ITGB5: variants seen among roughly 807,000 people sequenced by gnomAD.
The protein encoded by ITGB5 is integrin beta-5.
In ITGB5, 38 loss-of-function variants were observed where a neutral mutation model predicts 84.8. The observed-to-expected ratio is 0.45, with a 90% CI of 0.35 to 0.59. The LOEUF is 0.59. ITGB5 is among the 20% of genes least tolerant of loss of function. The pLI is 0.01. For synonymous variants in ITGB5, 393 were observed against 414.4 expected, an observed-to-expected ratio of 0.95 and a Z score of 0.63; for missense variants, 905 against 1,034.5, an observed-to-expected ratio of 0.87 and a Z score of 1.72.
intron 5 of ITGB5, among the ~76,000 whole-genome samples, chr3:124,828,423 A>T (rs913531790): frequency 6.6e-6 from 1 of 152,222 alleles, no homozygotes; most frequent in Non-Finnish European, 1.5e-5. Context: ...CAGGCAAAAA[A>T]AGAGTGTATA....
chr3:124,842,419 A>G (rs1358774611), intron 4 of ITGB5, among the ~76,000 whole-genome samples: 2 of 152,212 alleles, frequency 1.3e-5, no homozygotes, highest in African/African-American at 4.8e-5. Flanking sequence ...AAGTTGGAAG[A>G]GAGAGCTTAT....
chr3:124,766,908 A>C (rs963862648), intron 12 of ITGB5, among the ~76,000 whole-genome samples: 5 of 152,208 alleles, frequency 3.3e-5, no homozygotes, highest in African/African-American at 1.2e-4. Flanking sequence ...AAAGTGAGAC[A>C]GTGTGGAACT....
At chr3:124,869,815 C>T (rs2065449078) in intron 2 of ITGB5, among the ~76,000 whole-genome samples, 1 of 152,130 alleles carries the variant, frequency 6.6e-6, no homozygotes, top group Admixed American at 6.5e-5. Flanking sequence ...GGGACACCTT[C>T]ATTTACTGTC....
At chr3:124,792,200 A>G (rs1004181279) in intron 10 of ITGB5, 1 of 152,208 alleles carries the variant, frequency 6.6e-6, no homozygotes, top group African/African-American at 2.4e-5. Context: ...ATGATTTACT[A>G]AAGTCATTCG....
intron 5 of ITGB5, among the ~76,000 whole-genome samples, chr3:124,823,032 G>C (rs912357470): frequency 6.6e-6 from 1 of 152,172 alleles, no homozygotes; most frequent in Admixed American, 6.5e-5. Context: ...AGGCTGAGGT[G>C]AGAGGACGGC....
intron 3 of ITGB5, among the ~76,000 whole-genome samples, chr3:124,849,539 T>C (rs1341250776): frequency 1.3e-5 from 2 of 152,192 alleles, no homozygotes. Context: ...CTCATTATCA[T>C]TGGAAACTAC....
chr3:124,796,525 T>C lies in ITGB5; in HGVS notation c.1556A>G (p.Lys519Arg), dbSNP rs1484535040. 5 of 1,614,128 alleles carry C rather than the reference T, an allele frequency of 3.1e-6. No homozygotes were observed. In the Admixed American group the frequency reaches 8.3e-5, roughly 27 times the overall value. The change falls in exon 10 of 15, where the codon AAG becomes AGG. Residue 519 changes from lysine (K) to arginine (R), a missense_variant. Physicochemically the swap from Lys to Arg is conservative, Grantham distance 26 (BLOSUM62 2). Transcript: ENST00000296181. Reference protein sequence around the residue: ...YQNLCREAEGKPLCSGRGDCS... With the variant: ...YQNLCREAEGRPLCSGRGDCS... ...GTCCCCACGCCCGCTGCACAGTGGC[T>C]TGCCCTCTGCCTCCCGGCACAGGTT...
At chr3:124,831,338 G>C (rs1376943656) in intron 5 of ITGB5, among the ~76,000 whole-genome samples, 4 of 152,174 alleles carry the variant, frequency 2.6e-5, no homozygotes, top group Admixed American at 2.0e-4. Context: ...AATTGGACCT[G>C]GAGCATGAGG....
At chr3:124,814,406 T>C (rs1030884935) in intron 8 of ITGB5, among the ~76,000 whole-genome samples, 35 of 151,672 alleles carry the variant, frequency 2.3e-4, no homozygotes, top group Admixed American at 9.2e-4. Flanking sequence ...ACTCATATTA[T>C]ACACTTTAAA....
chr3:124,875,084 G>A (rs2107642246), intron 1 of ITGB5, among the ~76,000 whole-genome samples: 1 of 152,292 alleles, frequency 6.6e-6, no homozygotes, highest in East Asian at 1.9e-4. Flanking sequence ...CTATATGCGA[G>A]AGAATATTTG....
intron 3 of ITGB5, among the ~76,000 whole-genome samples, chr3:124,856,270 A>G (rs1420833693): frequency 1.3e-5 from 2 of 152,166 alleles, no homozygotes; most frequent in Admixed American, 6.5e-5. Flanking sequence ...GCTCACACTC[A>G]CACCTTAATT....
intron 10 of ITGB5, among the ~76,000 whole-genome samples, chr3:124,778,383 C>T (rs2063954600): frequency 6.6e-6 from 1 of 152,340 alleles, no homozygotes; most frequent in East Asian, 1.9e-4. Context: ...CAGCCTCTTG[C>T]CTCCTCTTAT....
At chr3:124,857,397 A>G (rs1489291700) in intron 3 of ITGB5, 2 of 152,250 alleles carry the variant, frequency 1.3e-5, no homozygotes, top group Non-Finnish European at 2.9e-5. Flanking sequence ...CCCATGAGGA[A>G]CAAAGGTGAC....
chr3:124,800,209 C>T (rs1040027981), intron 9 of ITGB5, among the ~76,000 whole-genome samples: 61 of 152,252 alleles, frequency 4.0e-4, no homozygotes, highest in Non-Finnish European at 7.5e-4. Context: ...ACTTGTGCTC[C>T]ACAGAGGCAT....
chr3:124,870,558 C>A (rs1933961993), intron 2 of ITGB5, among the ~76,000 whole-genome samples: 1 of 152,106 alleles, frequency 6.6e-6, no homozygotes, highest in Non-Finnish European at 1.5e-5. Flanking sequence ...GAAACCCCGT[C>A]TCTACTAAAA....
chr3:124,820,427 T>C (rs2064683338), intron 6 of ITGB5, among the ~76,000 whole-genome samples: 1 of 152,130 alleles, frequency 6.6e-6, no homozygotes, highest in Admixed American at 6.5e-5. Context: ...TAAGAGGCAG[T>C]TTAACAGTGT....
chr3:124,763,744 T>A, intron 14 of ITGB5, 26 bp from the exon 15 acceptor site: 1 of 1,339,376 alleles, frequency 7.5e-7, no homozygotes, highest in Non-Finnish European at 1.1e-6. Flanking sequence ...GGGAAGAGGA[T>A]GAGGACACAT....
At chr3:124,772,421 G>A (rs1368361193) in intron 11 of ITGB5, among the ~76,000 whole-genome samples, 1 of 152,188 alleles carries the variant, frequency 6.6e-6, no homozygotes, top group Admixed American at 6.5e-5. Context: ...CTGACCAGCA[G>A]CCGCTGCAGG....
At chr3:124,785,494 A>T (rs1336019221) in intron 10 of ITGB5, among the ~76,000 whole-genome samples, 1 of 151,232 alleles carries the variant, frequency 6.6e-6, no homozygotes, top group Non-Finnish European at 1.5e-5. Flanking sequence ...CTGATGCAGG[A>T]GAATTGCGTG....
Sources: allele counts gnomAD v4.1 joint callset (sites outside exome capture counted in the v4.1 genomes callset), GRCh38; gene constraint gnomAD v4.1.1; transcripts MANE v1.5; gene names NCBI Gene and HGNC (gene_info 2026-07-23, HGNC 2026-07-21).